The following NUFIP1 variants were observed in gnomAD, a reference collection of about 807,000 sequenced individuals.
The protein encoded by NUFIP1 is nuclear FMR1 interacting protein 1.
NUFIP1 carries 38 observed loss-of-function variants against 56.2 expected under a neutral mutation model. The observed-to-expected ratio is 0.68, with a 90% CI of 0.52 to 0.89. The LOEUF is 0.89. Among genes scored for constraint, NUFIP1 ranks in the 40% least tolerant of loss-of-function variants. NUFIP1 has a pLI of 0.00. For missense variants in NUFIP1, 567 were observed against 605.8 expected, an observed-to-expected ratio of 0.94 and a Z score of 0.67; for synonymous variants, 215 against 212.4, an observed-to-expected ratio of 1.01 and a Z score of -0.10.
intron 5 of NUFIP1, among the ~76,000 whole-genome samples, chr13:44,972,620 A>T (rs1363308560): frequency 2.0e-5 from 3 of 152,208 alleles, no homozygotes; most frequent in African/African-American, 7.2e-5. Context: ...AAAAAGGGTG[A>T]ATTTCACTAT....
intron 6 of NUFIP1, among the ~76,000 whole-genome samples, chr13:44,964,560 C>T (rs778587974): frequency 4.2e-4 from 64 of 152,280 alleles, no homozygotes; most frequent in Non-Finnish European, 8.4e-4. Flanking sequence ...GGAGTTGAGA[C>T]ACCAGAGAGA....
intron 7 of NUFIP1, among the ~76,000 whole-genome samples, chr13:44,952,162 G>C (rs1035815643): frequency 5.9e-5 from 9 of 151,852 alleles, no homozygotes; most frequent in Non-Finnish European, 1.3e-4. Context: ...TTTTGTTTTT[G>C]TTTGAGACAG....
chr13:44,945,692 T>C (rs1234887288), intron 8 of NUFIP1, among the ~76,000 whole-genome samples: 1 of 152,044 alleles, frequency 6.6e-6, no homozygotes, highest in East Asian at 1.9e-4. Context: ...TTCACCATTA[T>C]TAACAGAATA....
At chr13:44,946,823 T>C (rs965362244) in intron 8 of NUFIP1, among the ~76,000 whole-genome samples, 1 of 152,214 alleles carries the variant, frequency 6.6e-6, no homozygotes, top group African/African-American at 2.4e-5. Context: ...CTTTGTTTCC[T>C]TGGTATTATT....
intron 1 of NUFIP1, among the ~76,000 whole-genome samples, chr13:44,985,309 A>T (rs555168027): frequency 6.6e-6 from 1 of 152,234 alleles, no homozygotes; most frequent in East Asian, 1.9e-4. Flanking sequence ...TAGCAACTCC[A>T]TCCTTCCAAT....
intron 9 of NUFIP1, among the ~76,000 whole-genome samples, chr13:44,942,502 T>C (rs1351774336): frequency 6.6e-6 from 1 of 152,194 alleles, no homozygotes; most frequent in African/African-American, 2.4e-5. Context: ...CTGTGCTACA[T>C]GTAGCACCTC....
At chr13:44,985,122 A>G (rs1036371879) in intron 1 of NUFIP1, among the ~76,000 whole-genome samples, 8 of 152,248 alleles carry the variant, frequency 5.3e-5, no homozygotes, top group Non-Finnish European at 8.8e-5. Context: ...AGCTTGAAAT[A>G]TGATCTATAT....
Position 44,989,264 on chromosome 13 carries a change from C to G in NUFIP1, c.173G>C (p.Gly58Ala), listed in dbSNP as rs745717764. The stretch of plus-strand genomic sequence containing the variant: ...CTGCGACTCAGAGGAAGGCTTTGAC[C>G]CGGCTGCGGGAAGCGAGGACGTAAG... ...PPLTSSLPAAGSKPSSESQPP... is the reference protein window; with the variant it reads ...PPLTSSLPAAASKPSSESQPP... Residue 58 changes from glycine to alanine, a missense_variant, in exon 1 of 10, where the codon GGG becomes GCG. Physicochemically the swap from Gly to Ala is moderately conservative, Grantham distance 60 (BLOSUM62 0). Coordinates refer to ENST00000379161, the MANE Select transcript of NUFIP1 (RefSeq NM_012345.3). 6.2e-7 allele frequency: 1 copy of G among 1,613,394 alleles called. No homozygotes were observed. The highest frequency in any genetic ancestry group is 2.2e-5 in the East Asian group (1 of 44,860).
At chr13:44,970,274 T>C (rs567567716) in intron 5 of NUFIP1, among the ~76,000 whole-genome samples, 2 of 152,248 alleles carry the variant, frequency 1.3e-5, no homozygotes, top group Admixed American at 1.3e-4. Context: ...TTAAAAGTTA[T>C]TAAATTAAAT....
intron 5 of NUFIP1, among the ~76,000 whole-genome samples, chr13:44,974,169 C>G (rs1283368747): frequency 6.6e-6 from 1 of 152,188 alleles, no homozygotes; most frequent in Non-Finnish European, 1.5e-5. Context: ...TTGGTCAAGT[C>G]AACTCCTTAA....
chr13:44,970,837 GC>G (rs1871780031), intron 5 of NUFIP1, among the ~76,000 whole-genome samples: 1 of 152,106 alleles, frequency 6.6e-6, no homozygotes, highest in Non-Finnish European at 1.5e-5. Context: ...ACGATGCCCA[GC>G]TAATTTTTTT....
intron 5 of NUFIP1, among the ~76,000 whole-genome samples, chr13:44,969,048 T>A (rs1871714243): frequency 6.6e-6 from 1 of 152,106 alleles, no homozygotes; most frequent in Admixed American, 6.6e-5. Flanking sequence ...TTCCTAAAGG[T>A]AAGGAAACTT....
intron 7 of NUFIP1, among the ~76,000 whole-genome samples, chr13:44,952,947 T>G (rs1239610927): frequency 6.6e-6 from 1 of 152,194 alleles, no homozygotes; most frequent in African/African-American, 2.4e-5. Flanking sequence ...GTCCCTCAGT[T>G]TGGGTCTGTC....
chr13:44,980,849 C>A, intron 2 of NUFIP1, 29 bp from the exon 3 acceptor site: 1 of 1,432,876 alleles, frequency 7.0e-7, no homozygotes, highest in South Asian at 1.2e-5. Context: ...AGGAATTAGG[C>A]TTTTGGTGAA....
In NUFIP1 at chr13:44,959,491, G is replaced by T; in HGVS notation, c.911C>A (p.Ser304Tyr). 1 of 1,614,080 alleles carries T rather than the reference G, an allele frequency of 6.2e-7. No individual in the cohort carries two copies. The highest frequency in any genetic ancestry group is 8.5e-7 in the Non-Finnish European group (1 of 1,180,012). ...TGATCCAGTGACTGCTCTCTGTCTA[G>T]AATTGTCGTTTTTCCATTTGTGATT... ...GKNHKWKNDN[S>Y]RQRAVTGSGS... Residue 304 changes from serine to tyrosine, a missense_variant, in exon 7 of 10, where the codon TCT (serine) becomes TAT (tyrosine). By Grantham distance (144) the Ser-to-Tyr change is moderately radical. Transcript: ENST00000379161.
At chr13:44,980,024 T>TA in intron 3 of NUFIP1, 72 bp from the exon 4 acceptor site, 1 of 1,045,758 alleles carries the variant, frequency 9.6e-7, no homozygotes. Context: ...CCACTATACA[T>TA]ACACAGACAT....
chr13:44,984,739 AGGGTACGTGTGCACAAT>A (rs1370134731), intron 1 of NUFIP1, among the ~76,000 whole-genome samples: 6 of 152,200 alleles, frequency 3.9e-5, no homozygotes. Context: ...TTTAAGTTTT[AGGGTACGTGTGCACAAT>A]GTGCAGGTTA....
chr13:44,989,426 G>C lies in NUFIP1; in HGVS notation c.11C>G (p.Pro4Arg), dbSNP rs1872581213. 8 of 1,613,274 alleles carry C rather than the reference G, an allele frequency of 5.0e-6. No homozygotes were observed. In the African/African-American group the frequency reaches 6.7e-5, roughly 13 times the overall value. ...GATAGGAGTCTCGAAATCACTAGTC[G>C]GCTCAGCCATACCACTGGCGGGTCC... MAE[P>R]TSDFETPIGW... The change falls in exon 1 of 10, where the codon CCG becomes CGG. Residue 4 changes from proline to arginine, a missense_variant. Physicochemically the swap from Pro to Arg is moderately radical, Grantham distance 103. Transcript: ENST00000379161.
intron 5 of NUFIP1, among the ~76,000 whole-genome samples, chr13:44,972,564 C>T (rs1871842316): frequency 6.6e-6 from 1 of 152,150 alleles, no homozygotes; most frequent in Non-Finnish European, 1.5e-5. Flanking sequence ...TATCTTGATT[C>T]TGGTGGTATT....
Sources: gnomAD v4.1 joint callset for allele counts (sites outside exome capture counted in the v4.1 genomes callset) on GRCh38, gnomAD v4.1.1 for gene constraint, MANE v1.5 for transcripts, NCBI Gene and HGNC (gene_info 2026-07-23, HGNC 2026-07-21) for gene names.